NEIL3: variants seen among roughly 807,000 people sequenced by gnomAD.
NEIL3 encodes the protein nei like DNA glycosylase 3, also known as endonuclease 8-like 3.
In NEIL3, 48 loss-of-function variants were observed where a neutral mutation model predicts 57.5. That is an observed-to-expected ratio of 0.83 (90% CI 0.66 to 1.06). NEIL3 has a LOEUF of 1.06. Among genes scored for constraint, NEIL3 ranks in the 50% least tolerant of loss-of-function variants. NEIL3 has a pLI of 0.00. For missense variants in NEIL3, 717 were observed against 739.1 expected (o/e 0.97, Z 0.35); for synonymous variants, 261 against 253.2 (o/e 1.03, Z -0.29).
chr4:177,369,232 GA>G, the NEIL3 span, among the ~76,000 whole-genome samples: 1 of 152,164 alleles, frequency 6.6e-6, no homozygotes, highest in Non-Finnish European at 1.5e-5. Flanking sequence ...AGGTAGGAAA[GA>G]GTTGACATGT....
chr4:177,337,637 A>G (rs1281692146), intron 4 of NEIL3, among the ~76,000 whole-genome samples: 1 of 152,168 alleles, frequency 6.6e-6, no homozygotes, highest in Non-Finnish European at 1.5e-5. Context: ...TTTACTTTTT[A>G]TCTCTGCATC....
At chr4:177,326,151 T>C (rs1043026393) in intron 2 of NEIL3, among the ~76,000 whole-genome samples, 2 of 152,178 alleles carry the variant, frequency 1.3e-5, no homozygotes, top group Admixed American at 1.3e-4. Flanking sequence ...TTTCCTTGTT[T>C]GTTTTCTTCT....
intron 4 of NEIL3, among the ~76,000 whole-genome samples, chr4:177,338,720 T>G (rs896336569): frequency 6.6e-6 from 1 of 152,254 alleles, no homozygotes; most frequent in Non-Finnish European, 1.5e-5. Context: ...AGCTCTTCCA[T>G]GTGTTAATAA....
chr4:177,337,675 C>A (rs545860610), intron 4 of NEIL3, among the ~76,000 whole-genome samples: 1 of 152,266 alleles, frequency 6.6e-6, no homozygotes, highest in South Asian at 2.1e-4. Context: ...AGGAAATGAT[C>A]ATTTACCCAT....
At chr4:177,356,994 C>T (rs1268001209) in intron 8 of NEIL3, 1 of 152,164 alleles carries the variant, frequency 6.6e-6, no homozygotes, top group Non-Finnish European at 1.5e-5. Context: ...TATTTTCTCA[C>T]ATTTGCTGCC....
chr4:177,343,698 C>T (rs2110915951), intron 6 of NEIL3: 1 of 152,128 alleles, frequency 6.6e-6, no homozygotes, highest in South Asian at 2.1e-4. Context: ...CCGCTTCACC[C>T]CGTGTTACTA....
At chr4:177,367,802 G>A (rs1423553585), downstream of NEIL3, among the ~76,000 whole-genome samples, 3 of 152,198 alleles carry the variant, frequency 2.0e-5, no homozygotes, top group African/African-American at 7.2e-5. Context: ...CAGTGATTTC[G>A]AGAGCCACTG....
chr4:177,349,364 G>T (rs1213487043), intron 6 of NEIL3, among the ~76,000 whole-genome samples: 2 of 151,964 alleles, frequency 1.3e-5, no homozygotes, highest in Non-Finnish European at 2.9e-5. Flanking sequence ...TGGAGGAACT[G>T]GGGGGAATCA....
At chr4:177,356,725 G>T (rs574331514) in intron 8 of NEIL3, among the ~76,000 whole-genome samples, 1 of 152,138 alleles carries the variant, frequency 6.6e-6, no homozygotes, top group Non-Finnish European at 1.5e-5. Flanking sequence ...GTGTTGATGA[G>T]GCATATTTTC....
chr4:177,351,991 C>A (rs1735362602), intron 7 of NEIL3, among the ~76,000 whole-genome samples: 1 of 152,156 alleles, frequency 6.6e-6, no homozygotes, highest in African/African-American at 2.4e-5. Context: ...CCCTTCTACC[C>A]CGTGCTATTA....
intron 7 of NEIL3, 80 bp downstream of exon 7, chr4:177,351,629 A>G: frequency 1.8e-6 from 2 of 1,105,866 alleles, no homozygotes; most frequent in Non-Finnish European, 2.6e-6. Context: ...ATCTTGCTCC[A>G]TCTTGATATT....
At chr4:177,368,814 C>G in the NEIL3 span, among the ~76,000 whole-genome samples, 1 of 151,984 alleles carries the variant, frequency 6.6e-6, no homozygotes, top group Non-Finnish European at 1.5e-5. Flanking sequence ...TTGGTATTTT[C>G]TAGAACTTTG....
intron 5 of NEIL3, 98 bp from the exon 6 acceptor site, chr4:177,341,378 C>A: frequency 1.1e-6 from 1 of 902,602 alleles, no homozygotes; most frequent in Non-Finnish European, 1.6e-6. Context: ...AAATTTTTAG[C>A]AGATGATTTT....
At chr4:177,356,323 C>T (rs1472982663) in intron 8 of NEIL3, among the ~76,000 whole-genome samples, 1 of 152,084 alleles carries the variant, frequency 6.6e-6, no homozygotes. Flanking sequence ...TATGATTAAT[C>T]ACAGTGCACA....
chr4:177,359,163 T>G (rs1735553470), intron 8 of NEIL3, among the ~76,000 whole-genome samples: 1 of 152,162 alleles, frequency 6.6e-6, no homozygotes, highest in South Asian at 2.1e-4. Flanking sequence ...GTATTACCCA[T>G]GACTTGAAAA....
At position 177,324,823 on chromosome 4, in the gene NEIL3, A is replaced by T. The variant is rs111503130; in HGVS notation, c.278+2243A>T. ...TCTTTATTAACTTTGGATGCATACA[A>T]TGCCACATTGCCAGTATAGTGTGTG... On this transcript the variant is annotated intron_variant, in intron 2 of 9. Coordinates refer to ENST00000264596, the MANE Select transcript of NEIL3 (RefSeq NM_018248.3). Among the ~76,000 whole-genome samples the T allele has an allele frequency of 8.7e-3, 1,327 of 152,270 alleles. 16 individuals carry two copies. Among genetic ancestry groups the T allele is most frequent in the African/African-American group, 0.03 (1,259 of 41,544 alleles).
At chr4:177,359,686 C>T (rs1735568780) in intron 8 of NEIL3, among the ~76,000 whole-genome samples, 1 of 152,064 alleles carries the variant, frequency 6.6e-6, no homozygotes, top group African/African-American at 2.4e-5. Context: ...TGAACACTTT[C>T]TCTTCAACCA....
chr4:177,359,207 C>T (rs1029821776), intron 8 of NEIL3, among the ~76,000 whole-genome samples: 5 of 152,170 alleles, frequency 3.3e-5, no homozygotes, highest in Admixed American at 6.5e-5. Context: ...GGAAAAGTTA[C>T]CATCAAAATA....
chr4:177,360,761 G>T, intron 9 of NEIL3, 84 bp downstream of exon 9: 1 of 1,076,444 alleles, frequency 9.3e-7, no homozygotes, highest in Non-Finnish European at 1.3e-6. Flanking sequence ...TACTTTCCTA[G>T]TTTTACCTTT....
Sources: gnomAD v4.1 joint callset for allele counts (sites outside exome capture counted in the v4.1 genomes callset) on GRCh38, gnomAD v4.1.1 for gene constraint, MANE v1.5 for transcripts, NCBI Gene and HGNC (gene_info 2026-07-23, HGNC 2026-07-21) for gene names.